Variants in NPAS3 observed in about 807,000 individuals in gnomAD.
NPAS3 encodes the protein neuronal PAS domain-containing protein 3.
In NPAS3, 14 loss-of-function variants were observed where a neutral mutation model predicts 73.1. That is an observed-to-expected ratio of 0.19 (90% CI 0.13 to 0.30). NPAS3 has a LOEUF of 0.30. NPAS3 is among the 10% of genes least tolerant of loss of function. NPAS3 has a pLI of 1.00. For missense variants in NPAS3, 1,096 were observed against 1,250.0 expected, an observed-to-expected ratio of 0.88 and a Z score of 1.86; for synonymous variants, 620 against 541.5, an observed-to-expected ratio of 1.14 and a Z score of -2.01.
At chr14:33,682,776 A>T (rs767298277) in intron 6 of NPAS3, among the ~76,000 whole-genome samples, 1 of 152,210 alleles carries the variant, frequency 6.6e-6, no homozygotes, top group Non-Finnish European at 1.5e-5. Flanking sequence ...TGTGTGTAAA[A>T]TGAGAACATT....
chr14:33,261,312 A>AG (rs1566734967), intron 3 of NPAS3, among the ~76,000 whole-genome samples: 2 of 151,402 alleles, frequency 1.3e-5, no homozygotes, highest in African/African-American at 4.9e-5. Flanking sequence ...AAAAAAAAAA[A>AG]GAACTCATTT....
intron 3 of NPAS3, among the ~76,000 whole-genome samples, chr14:33,316,395 CAAG>C (rs1180219094): frequency 2.6e-5 from 4 of 151,986 alleles, no homozygotes; most frequent in Non-Finnish European, 5.9e-5. Flanking sequence ...TTTGGCTGTG[CAAG>C]AAGATCACAG....
At chr14:33,269,543 A>G (rs2040974819) in intron 3 of NPAS3, among the ~76,000 whole-genome samples, 1 of 152,196 alleles carries the variant, frequency 6.6e-6, no homozygotes, top group Admixed American at 6.5e-5. Context: ...TTGAGGGGTT[A>G]ATAATTATTG....
chr14:32,994,621 T>G (rs1227319763), intron 1 of NPAS3, among the ~76,000 whole-genome samples: 1 of 143,956 alleles, frequency 6.9e-6, no homozygotes, highest in Admixed American at 7.0e-5. Flanking sequence ...GTTTTTTGTT[T>G]GTTTGTTTGT....
intron 2 of NPAS3, among the ~76,000 whole-genome samples, chr14:33,158,571 C>T (rs73270536): frequency 0.02 from 3,035 of 152,064 alleles, 69 homozygotes; most frequent in African/African-American, 0.057. Context: ...ATGGTGTAGG[C>T]ACAATAATTG....
At chr14:33,411,522 G>A (rs1434116125) in intron 4 of NPAS3, among the ~76,000 whole-genome samples, 3 of 152,108 alleles carry the variant, frequency 2.0e-5, no homozygotes, top group Non-Finnish European at 2.9e-5. Context: ...GGTTGCTACT[G>A]GAATCTAGGG....
At chr14:33,525,369 A>T (rs950568711) in intron 4 of NPAS3, among the ~76,000 whole-genome samples, 2 of 152,194 alleles carry the variant, frequency 1.3e-5, no homozygotes, top group African/African-American at 4.8e-5. Context: ...TTAGATTGGG[A>T]TGGACCTGAC....
intron 6 of NPAS3, among the ~76,000 whole-genome samples, chr14:33,687,146 A>G (rs2060112415): frequency 6.6e-6 from 1 of 152,176 alleles, no homozygotes; most frequent in Non-Finnish European, 1.5e-5. Flanking sequence ...CTAATTATTA[A>G]CGCTCTAGAA....
chr14:33,727,116 C>G (rs755596944), intron 6 of NPAS3, among the ~76,000 whole-genome samples: 12 of 152,068 alleles, frequency 7.9e-5, no homozygotes, highest in Non-Finnish European at 2.9e-5. Flanking sequence ...CGTATGTGGG[C>G]AACATCTGTG....
chr14:33,376,346 G>A (rs941479383), intron 4 of NPAS3, among the ~76,000 whole-genome samples: 1 of 151,956 alleles, frequency 6.6e-6, no homozygotes, highest in Non-Finnish European at 1.5e-5. Flanking sequence ...AAACTGATGG[G>A]CACATTAGGG....
chr14:32,969,834 T>C (rs530770307), intron 1 of NPAS3, among the ~76,000 whole-genome samples: 16 of 152,276 alleles, frequency 1.1e-4, no homozygotes, highest in African/African-American at 3.8e-4. Context: ...AAACACTTTT[T>C]TAAAAAGGTA....
intron 5 of NPAS3, among the ~76,000 whole-genome samples, chr14:33,609,155 A>T (rs1295570334): frequency 6.7e-6 from 1 of 150,344 alleles, no homozygotes; most frequent in Non-Finnish European, 1.5e-5. Context: ...AATTATTGTG[A>T]TTATTTAAAG....
At chr14:32,998,054 T>C (rs1011611369) in intron 1 of NPAS3, among the ~76,000 whole-genome samples, 1 of 152,250 alleles carries the variant, frequency 6.6e-6, no homozygotes, top group Admixed American at 6.5e-5. Flanking sequence ...TGAAAATGGG[T>C]ACTCAAATAA....
chr14:33,215,467 G>C, intron 3 of NPAS3, 41 bp downstream of exon 3: 1 of 1,606,192 alleles, frequency 6.2e-7, no homozygotes, highest in South Asian at 1.1e-5. Flanking sequence ...ATGATGGTCT[G>C]TAGGGGTCTG....
intron 4 of NPAS3, among the ~76,000 whole-genome samples, chr14:33,380,356 AG>A (rs1211191318): frequency 6.6e-6 from 1 of 151,954 alleles, no homozygotes; most frequent in Admixed American, 6.6e-5. Flanking sequence ...TTGGGGGAGG[AG>A]GGGTGCAGGG....
chr14:32,965,835 G>T (rs145309345), intron 1 of NPAS3, among the ~76,000 whole-genome samples: 1 of 152,064 alleles, frequency 6.6e-6, no homozygotes. Context: ...AAAAATAGCT[G>T]TTGGGACTAA....
At chr14:33,769,745 A>ATTTTTTTTTTTTTTTTTTTTTTTT (rs5807743) in intron 7 of NPAS3, among the ~76,000 whole-genome samples, 1 of 103,354 alleles carries the variant, frequency 9.7e-6, no homozygotes, top group Non-Finnish European at 1.9e-5. Context: ...AAAGACTTGG[A>ATTTTTTTTTTTTTTTTTTTTTTTT]TTTTTTTTTT....
intron 5 of NPAS3, among the ~76,000 whole-genome samples, chr14:33,602,882 A>G (rs2057443561): frequency 1.3e-5 from 2 of 152,130 alleles, no homozygotes; most frequent in Non-Finnish European, 2.9e-5. Flanking sequence ...ACCCAAAAGG[A>G]TCAAAATACC....
chr14:33,205,154 G>T (rs1264203522), intron 2 of NPAS3, among the ~76,000 whole-genome samples: 1 of 151,956 alleles, frequency 6.6e-6, no homozygotes, highest in Non-Finnish European at 1.5e-5. Flanking sequence ...TTCAGATTTG[G>T]ATATATATTA....
Sources: gnomAD v4.1 joint callset for allele counts (sites outside exome capture counted in the v4.1 genomes callset) on GRCh38, gnomAD v4.1.1 for gene constraint, MANE v1.5 for transcripts, NCBI Gene and HGNC (gene_info 2026-07-23, HGNC 2026-07-21) for gene names.